Variants in RAP1GDS1 observed in about 807,000 individuals in gnomAD.
RAP1GDS1 encodes Rap1 GTPase-GDP dissociation stimulator 1.
RAP1GDS1 carries 35 observed loss-of-function variants against 71.1 expected under a neutral mutation model. The observed-to-expected ratio is 0.49, with a 90% CI of 0.38 to 0.65. RAP1GDS1 has a LOEUF of 0.65. Among genes scored for constraint, RAP1GDS1 ranks in the 30% least tolerant of loss-of-function variants. RAP1GDS1 has a pLI of 0.00. For missense variants in RAP1GDS1, 663 were observed against 706.1 expected (o/e 0.94, Z 0.69); for synonymous variants, 229 against 243.1 (o/e 0.94, Z 0.54).
intron 5 of RAP1GDS1, among the ~76,000 whole-genome samples, chr4:98,385,710 T>G (rs1742644162): frequency 6.6e-6 from 1 of 151,986 alleles, no homozygotes; most frequent in Admixed American, 6.6e-5. Context: ...TATGCAGATG[T>G]ATCTTGTTAA....
chr4:98,266,434 T>A (rs1192078480), intron 1 of RAP1GDS1, among the ~76,000 whole-genome samples: 1 of 152,178 alleles, frequency 6.6e-6, no homozygotes, highest in East Asian at 1.9e-4. Flanking sequence ...TCTAATTATA[T>A]TTTTAATTCC....
chr4:98,421,978 A>G (rs555228002), intron 12 of RAP1GDS1, among the ~76,000 whole-genome samples: 3 of 152,032 alleles, frequency 2.0e-5, no homozygotes, highest in Non-Finnish European at 2.9e-5. Context: ...TGGGCAGATC[A>G]TGAGGTCAGG....
intron 2 of RAP1GDS1, among the ~76,000 whole-genome samples, chr4:98,329,809 A>AAAAT (rs1553974222): frequency 1.3e-5 from 2 of 150,564 alleles, no homozygotes; most frequent in Non-Finnish European, 1.5e-5. Flanking sequence ...AAAAAAAAAA[A>AAAAT]AAGTGCCCAT....
chr4:98,390,027 G>T (rs1297755368), intron 5 of RAP1GDS1, among the ~76,000 whole-genome samples: 1 of 152,076 alleles, frequency 6.6e-6, no homozygotes, highest in Non-Finnish European at 1.5e-5. Flanking sequence ...GAAATTTAAT[G>T]ATTCATCAGC....
intron 5 of RAP1GDS1, among the ~76,000 whole-genome samples, chr4:98,384,975 A>G (rs1467795957): frequency 6.6e-6 from 1 of 151,592 alleles, no homozygotes; most frequent in African/African-American, 2.4e-5. Flanking sequence ...ATATGTTTGG[A>G]GTTGCTCATT....
chr4:98,298,059 CATTCCCAT>C (rs1457620339), intron 2 of RAP1GDS1, among the ~76,000 whole-genome samples: 2 of 152,202 alleles, frequency 1.3e-5, no homozygotes, highest in Admixed American at 1.3e-4. Flanking sequence ...CTAGCCACAA[CATTCCCAT>C]GTCCTAATCC....
intron 7 of RAP1GDS1, among the ~76,000 whole-genome samples, chr4:98,409,001 CATTGT>C (rs1210293531): frequency 6.6e-6 from 1 of 151,944 alleles, no homozygotes; most frequent in Non-Finnish European, 1.5e-5. Context: ...TTCCATTTAA[CATTGT>C]ATTGTAAGAA....
intron 2 of RAP1GDS1, among the ~76,000 whole-genome samples, chr4:98,334,813 T>G (rs1390291851): frequency 6.6e-6 from 1 of 151,780 alleles, no homozygotes; most frequent in Non-Finnish European, 1.5e-5. Context: ...AGCTATTAAT[T>G]TGAAAGTCCT....
intron 7 of RAP1GDS1, among the ~76,000 whole-genome samples, chr4:98,407,411 G>A (rs1396326372): frequency 2.0e-5 from 3 of 152,028 alleles, no homozygotes; most frequent in Non-Finnish European, 2.9e-5. Flanking sequence ...AGAAAAGATA[G>A]GGTATCAACC....
chr4:98,408,100 A>AT (rs1237057191), intron 7 of RAP1GDS1, among the ~76,000 whole-genome samples: 8 of 141,018 alleles, frequency 5.7e-5, no homozygotes, highest in African/African-American at 2.0e-4. Context: ...TTATATATAT[A>AT]TATATTTTTT....
chr4:98,312,443 C>T (rs1417132517), intron 2 of RAP1GDS1, among the ~76,000 whole-genome samples: 1 of 152,198 alleles, frequency 6.6e-6, no homozygotes, highest in Non-Finnish European at 1.5e-5. Context: ...TTCTCCCTAA[C>T]AAATCCTCTG....
intron 5 of RAP1GDS1, chr4:98,387,546 A>C (rs1742953611): frequency 4.5e-6 from 2 of 448,290 alleles, no homozygotes; most frequent in Admixed American, 4.7e-5. Flanking sequence ...ATTGCCTTAT[A>C]TCTCTTTGTA....
chr4:98,408,989 G>C (rs568860618), intron 7 of RAP1GDS1, among the ~76,000 whole-genome samples: 1 of 151,962 alleles, frequency 6.6e-6, no homozygotes, highest in African/African-American at 2.4e-5. Context: ...GATCATCCCC[G>C]CTTCCATTTA....
At chr4:98,397,348 C>T (rs749451826) in intron 6 of RAP1GDS1, among the ~76,000 whole-genome samples, 1 of 152,096 alleles carries the variant, frequency 6.6e-6, no homozygotes, top group African/African-American at 2.4e-5. Context: ...TAAAACCCTT[C>T]AGTAAAGAGA....
chr4:98,379,755 A>G (rs1741711268), intron 5 of RAP1GDS1, among the ~76,000 whole-genome samples: 1 of 151,926 alleles, frequency 6.6e-6, no homozygotes, highest in Non-Finnish European at 1.5e-5. Flanking sequence ...AAATGCATAT[A>G]AATCTGTGAT....
chr4:98,326,574 TTC>T (rs1394154680), intron 2 of RAP1GDS1, among the ~76,000 whole-genome samples: 3 of 152,228 alleles, frequency 2.0e-5, no homozygotes, highest in Admixed American at 6.5e-5. Context: ...TCTTAATCAC[TTC>T]TGTTTCTTTT....
intron 5 of RAP1GDS1, among the ~76,000 whole-genome samples, chr4:98,380,069 A>C (rs1741760569): frequency 6.7e-6 from 1 of 148,480 alleles, no homozygotes; most frequent in African/African-American, 2.5e-5. Flanking sequence ...CCAAAGAAAT[A>C]TTCTCAATAA....
rs1171607189 is a variant in RAP1GDS1 at position 98,394,076 on chromosome 4, T to C, written c.637+1996T>C. Among the ~76,000 whole-genome samples the C allele has an allele frequency of 2.0e-5, 3 of 152,192 alleles. No individual in the cohort carries two copies. In the East Asian group the frequency reaches 5.8e-4, roughly 29 times the overall value. On this transcript the variant is annotated intron_variant, in intron 6 of 14. Transcript: ENST00000408927. ...AGAAAGCAAAGATTAATGAAATTTATCTCATCTAACTTTAAGGAAAAGTCA... is the reference window on the plus strand; with the variant it reads ...AGAAAGCAAAGATTAATGAAATTTACCTCATCTAACTTTAAGGAAAAGTCA...
At chr4:98,319,233 T>A (rs1429771585) in intron 2 of RAP1GDS1, among the ~76,000 whole-genome samples, 1 of 152,148 alleles carries the variant, frequency 6.6e-6, no homozygotes, top group Admixed American at 6.5e-5. Context: ...TAATGATGAG[T>A]CATTGCATGA....
Sources: gnomAD v4.1 joint callset for allele counts (sites outside exome capture counted in the v4.1 genomes callset) on GRCh38, gnomAD v4.1.1 for gene constraint, MANE v1.5 for transcripts, NCBI Gene and HGNC (gene_info 2026-07-23, HGNC 2026-07-21) for gene names.